GSTO2: variants seen among roughly 807,000 people sequenced by gnomAD.
The protein encoded by GSTO2 is glutathione S-transferase omega-2.
In GSTO2, 23 loss-of-function variants were observed where a neutral mutation model predicts 28.4. The observed-to-expected ratio is 0.81, with a 90% CI of 0.58 to 1.15. GSTO2 has a LOEUF of 1.15. GSTO2 is among the 50% of genes most tolerant of loss of function. The probability of loss-of-function intolerance (pLI) is 0.00; values close to 1 mark genes in which losing one functional copy is unlikely to be tolerated. For synonymous variants in GSTO2, 109 were observed against 111.0 expected (o/e 0.98, Z 0.11); for missense variants, 298 against 297.8 (o/e 1.00, Z 0.00).
chr10:104,298,703 A>G (rs156698), intron 6 of GSTO2, among the ~76,000 whole-genome samples: 6,511 of 152,268 alleles, frequency 0.043, 503 homozygotes, highest in African/African-American at 0.15. Flanking sequence ...TGTTTTAGAA[A>G]TTATTTGTCT....
At chr10:104,273,307 CATA>C (rs1342205177) in intron 1 of GSTO2, among the ~76,000 whole-genome samples, 1 of 152,172 alleles carries the variant, frequency 6.6e-6, no homozygotes, top group Non-Finnish European at 1.5e-5. Flanking sequence ...TTCTTGCTGA[CATA>C]TATGCATTTT....
In GSTO2 at chr10:104,297,638, C is replaced by T; in HGVS notation, c.529C>T (p.Leu177Phe). ...GGTCISMIDY[L>F]LWPWFERLDV... is the part of the protein sequence containing the mutation. Reference sequence around the variant, plus strand: ...AACCTGTATATCCATGATTGATTACCTCCTCTGGCCCTGGTTTGAGCGGCT... The same window carrying T: ...AACCTGTATATCCATGATTGATTACTTCCTCTGGCCCTGGTTTGAGCGGCT... The change falls in exon 6 of 7, where the codon CTC (leucine) becomes TTC (phenylalanine). Residue 177 changes from leucine to phenylalanine, a missense_variant. Transcript: ENST00000338595. 6.2e-7 allele frequency: 1 copy of T among 1,613,732 alleles called. No homozygotes were observed. Among genetic ancestry groups the T allele is most frequent in the South Asian group, 1.1e-5 (1 of 91,066 alleles).
chr10:104,274,052 C>A (rs1288085945), intron 1 of GSTO2, among the ~76,000 whole-genome samples: 1 of 152,192 alleles, frequency 6.6e-6, no homozygotes, highest in South Asian at 2.1e-4. Flanking sequence ...GCCAAAGCCA[C>A]GTCTATTATC....
intron 5 of GSTO2, among the ~76,000 whole-genome samples, chr10:104,280,219 T>C (rs1287685864): frequency 6.7e-6 from 1 of 149,878 alleles, no homozygotes; most frequent in Non-Finnish European, 1.5e-5. Context: ...CAGGCCTATC[T>C]TGATGGCTTC....
chr10:104,280,953 C>G (rs1471310510), intron 5 of GSTO2, among the ~76,000 whole-genome samples: 1 of 152,174 alleles, frequency 6.6e-6, no homozygotes, highest in Non-Finnish European at 1.5e-5. Context: ...CTGAGGTCAC[C>G]AACTGTGGCC....
chr10:104,278,281 G>C (rs1408962252), intron 4 of GSTO2, among the ~76,000 whole-genome samples, 165 bp downstream of exon 4: 1 of 152,212 alleles, frequency 6.6e-6, no homozygotes, highest in Non-Finnish European at 1.5e-5. Context: ...CATGGCCACT[G>C]ATATTAAAGG....
intron 5 of GSTO2, among the ~76,000 whole-genome samples, chr10:104,288,679 G>C (rs886402791): frequency 6.6e-6 from 1 of 152,152 alleles, no homozygotes; most frequent in African/African-American, 2.4e-5. Context: ...CTTGCTCCTG[G>C]TCTTGCAAAA....
chr10:104,270,014 C>A (rs370185732), intron 1 of GSTO2, among the ~76,000 whole-genome samples: 1 of 148,826 alleles, frequency 6.7e-6, no homozygotes, highest in South Asian at 2.1e-4. Flanking sequence ...ATAGTATCTA[C>A]CTTTTTTTTT....
At chr10:104,276,818 C>T (rs1326603450) in intron 3 of GSTO2, among the ~76,000 whole-genome samples, 1 of 152,136 alleles carries the variant, frequency 6.6e-6, no homozygotes, top group African/African-American at 2.4e-5. Context: ...AATGAACGTT[C>T]CCATTTGTTT....
chr10:104,285,454 A>G (rs187263611), intron 5 of GSTO2, among the ~76,000 whole-genome samples: 1 of 150,740 alleles, frequency 6.6e-6, no homozygotes, highest in Non-Finnish European at 1.5e-5. Flanking sequence ...AATTATTATT[A>G]TAATTATTTT....
At position 104,303,931 on chromosome 10, in the gene GSTO2, G is replaced by A. The variant is rs1342297659; in HGVS notation, c.*4647G>A. ...CTTTGGTGGTGGTAGGGGTGGCAGG[G>A]GCAGGTGTTATGTTTCTTGGTTTCT... On this transcript the variant is annotated 3_prime_UTR_variant, in exon 7 of 7. Transcript: ENST00000338595. The A allele has an allele frequency of 2.0e-5, 3 of 152,246 alleles. No individual in the cohort carries two copies. The highest frequency in any genetic ancestry group is 2.9e-5 in the Non-Finnish European group (2 of 68,082). 9.4% of individuals were successfully genotyped at this position (152,246 alleles called of 1,614,324 possible). A position where few individuals can be genotyped will look rare whatever the true frequency, so the allele number is the denominator to read the frequency against.
At chr10:104,296,709 GAATT>G (rs2013048469) in intron 5 of GSTO2, 1 of 151,002 alleles carries the variant, frequency 6.6e-6, no homozygotes, top group African/African-American at 2.4e-5. Flanking sequence ...CCTTAGTTTT[GAATT>G]AATTGAGAAG....
At chr10:104,269,515 T>C (rs1215993799) in intron 1 of GSTO2, among the ~76,000 whole-genome samples, 1 of 152,244 alleles carries the variant, frequency 6.6e-6, no homozygotes, top group Admixed American at 6.5e-5. Flanking sequence ...TAAGGTGTTC[T>C]TATTTTTTCT....
In GSTO2 at chr10:104,299,480, T is replaced by C. The variant is rs1589879663; in HGVS notation, c.*196T>C. The C allele has an allele frequency of 1.6e-6, 1 of 619,548 alleles. No homozygotes were observed. The highest frequency in any genetic ancestry group is 3.1e-5 in the East Asian group (1 of 32,006). The allele number at this position is 619,548 out of a possible 1,614,324, so 38.4% of individuals were successfully genotyped here. A position where few individuals can be genotyped will look rare whatever the true frequency, so the allele number is the denominator to read the frequency against. On this transcript the variant is annotated 3_prime_UTR_variant, in exon 7 of 7. Coordinates refer to ENST00000338595, the MANE Select transcript of GSTO2 (RefSeq NM_183239.2). ...GTAGCTGCTGCTACTGCTGCTTTTT[T>C]TTCCTTTTTTTTTTTGAGGCAAGAT...
chr10:104,270,888 A>G (rs1445109374), intron 1 of GSTO2, among the ~76,000 whole-genome samples: 1 of 152,218 alleles, frequency 6.6e-6, no homozygotes. Flanking sequence ...CTTTGGTGGC[A>G]TTATTTTCCT....
At chr10:104,289,538 C>A (rs2012655609) in intron 5 of GSTO2, among the ~76,000 whole-genome samples, 1 of 152,188 alleles carries the variant, frequency 6.6e-6, no homozygotes, top group Non-Finnish European at 1.5e-5. Flanking sequence ...TGATGGGCAG[C>A]AGGAGGGGCA....
At chr10:104,282,325 G>C (rs1334582520) in intron 5 of GSTO2, among the ~76,000 whole-genome samples, 1 of 151,932 alleles carries the variant, frequency 6.6e-6, no homozygotes, top group Admixed American at 6.5e-5. Flanking sequence ...AGCCAAGACG[G>C]TAGGATCGCT....
At chr10:104,277,173 T>C (rs182381636) in intron 3 of GSTO2, among the ~76,000 whole-genome samples, 4 of 152,318 alleles carry the variant, frequency 2.6e-5, no homozygotes, top group Admixed American at 2.6e-4. Context: ...CCATATTCTG[T>C]TGTGACCTGT....
chr10:104,279,247 G>A, intron 4 of GSTO2, 123 bp from the exon 5 acceptor site: 2 of 696,604 alleles, frequency 2.9e-6, no homozygotes, highest in Non-Finnish European at 4.9e-6. Context: ...AGGGAGCTGG[G>A]GGGTCTGATG....
Sources: gnomAD v4.1 joint callset for allele counts (sites outside exome capture counted in the v4.1 genomes callset) on GRCh38, gnomAD v4.1.1 for gene constraint, MANE v1.5 for transcripts, NCBI Gene and HGNC (gene_info 2026-07-23, HGNC 2026-07-21) for gene names.